Variants in TMTC1 observed in about 807,000 individuals in gnomAD.
TMTC1 encodes the protein transmembrane O-mannosyltransferase targeting cadherins 1.
In TMTC1, 73 loss-of-function variants were observed where a neutral mutation model predicts 104.8. That is an observed-to-expected ratio of 0.70 (90% CI 0.58 to 0.85). The LOEUF (loss-of-function observed/expected upper bound fraction) is 0.85. Ranked by LOEUF, TMTC1 falls within the 40% of genes least tolerant of loss-of-function variation. TMTC1 has a pLI of 0.00. For missense variants in TMTC1, 1,035 were observed against 1,096.1 expected, an observed-to-expected ratio of 0.94 and a Z score of 0.79; for synonymous variants, 434 against 428.7, an observed-to-expected ratio of 1.01 and a Z score of -0.15.
Position 29,506,846 on chromosome 12 carries a change from C to T in TMTC1, c.2649G>A (p.Ter883=). ...LQEVREKDQT[*] ...TATGAGGTTGGGTCAGACGGTGGTGCTATGTTTGATCCTTTTCTCGAACTT... is the reference window on the plus strand; with the variant it reads ...TATGAGGTTGGGTCAGACGGTGGTGTTATGTTTGATCCTTTTCTCGAACTT... The change falls in exon 18 of 18, where the codon TAG becomes TAA. Residue 883 remains the stop codon, a stop_retained_variant. Transcript: ENST00000539277. 9 of 1,613,992 alleles carry T rather than the reference C, an allele frequency of 5.6e-6. No individual in the cohort carries two copies. The highest frequency in any genetic ancestry group is 7.6e-6 in the Non-Finnish European group (9 of 1,179,912).
chr12:29,648,179 C>T (rs1426157567), intron 5 of TMTC1, among the ~76,000 whole-genome samples: 2 of 152,142 alleles, frequency 1.3e-5, no homozygotes, highest in South Asian at 2.1e-4. Flanking sequence ...TTTTCAAATG[C>T]AAGTCCATAA....
chr12:29,546,700 T>C (rs542910029), intron 10 of TMTC1, among the ~76,000 whole-genome samples: 10 of 152,170 alleles, frequency 6.6e-5, no homozygotes, highest in South Asian at 2.1e-4. Context: ...GACAAATGTA[T>C]GCAGAAAGAA....
At chr12:29,621,864 C>T (rs976281991) in intron 6 of TMTC1, among the ~76,000 whole-genome samples, 3 of 152,094 alleles carry the variant, frequency 2.0e-5, no homozygotes, top group Middle Eastern at 3.2e-3. Flanking sequence ...TGCATTAGCC[C>T]TACCCCACCC....
intron 4 of TMTC1, 94 bp downstream of exon 4, chr12:29,755,615 T>C: frequency 9.5e-7 from 1 of 1,051,968 alleles, no homozygotes; most frequent in Non-Finnish European, 1.4e-6. Flanking sequence ...TTTAATAAAG[T>C]GTTATATTTT....
At chr12:29,558,691 G>A (rs1945306080) in intron 9 of TMTC1, among the ~76,000 whole-genome samples, 1 of 152,190 alleles carries the variant, frequency 6.6e-6, no homozygotes, top group Non-Finnish European at 1.5e-5. Context: ...CACTGAGCCA[G>A]CACACGCGCT....
At chr12:29,698,764 CA>C (rs1361103526) in intron 5 of TMTC1, among the ~76,000 whole-genome samples, 1 of 152,144 alleles carries the variant, frequency 6.6e-6, no homozygotes, top group Non-Finnish European at 1.5e-5. Context: ...AGAGTATGAA[CA>C]GATGCTCACT....
At chr12:29,655,733 C>G (rs1029284717) in intron 5 of TMTC1, among the ~76,000 whole-genome samples, 2 of 151,990 alleles carry the variant, frequency 1.3e-5, no homozygotes, top group Non-Finnish European at 2.9e-5. Context: ...ATAATGTAAA[C>G]GAGTGAATCT....
At chr12:29,639,894 T>C (rs541511276) in intron 5 of TMTC1, among the ~76,000 whole-genome samples, 24 of 152,218 alleles carry the variant, frequency 1.6e-4, no homozygotes, top group Admixed American at 3.3e-4. Context: ...AAACCATCTA[T>C]AGACAACGAT....
At chr12:29,581,568 T>G (rs1226758740) in intron 8 of TMTC1, among the ~76,000 whole-genome samples, 2 of 152,202 alleles carry the variant, frequency 1.3e-5, no homozygotes, top group Non-Finnish European at 2.9e-5. Flanking sequence ...TTTTTTCTTT[T>G]TTTTTTACAT....
intron 5 of TMTC1, among the ~76,000 whole-genome samples, chr12:29,724,777 G>A (rs2136894814): frequency 6.6e-6 from 1 of 151,852 alleles, no homozygotes; most frequent in South Asian, 2.1e-4. Context: ...TTACCTCTGA[G>A]GATACTGGGA....
intron 5 of TMTC1, among the ~76,000 whole-genome samples, chr12:29,669,552 G>A (rs576773486): frequency 2.0e-5 from 3 of 152,296 alleles, no homozygotes; most frequent in East Asian, 1.9e-4. Flanking sequence ...GGAAATTTCC[G>A]AGATACCAGA....
intron 5 of TMTC1, among the ~76,000 whole-genome samples, chr12:29,749,223 T>A (rs1490634567): frequency 7.3e-6 from 1 of 136,284 alleles, no homozygotes; most frequent in African/African-American, 2.7e-5. Context: ...CTACAGGTTA[T>A]CTAAGGATAC....
In TMTC1 at chr12:29,506,383, A is replaced by T. The variant is rs2136122092; in HGVS notation, c.*463T>A. The T allele has an allele frequency of 6.5e-6, 1 of 154,474 alleles. No individual in the cohort carries two copies. The highest frequency in any genetic ancestry group is 2.4e-5 in the African/African-American group (1 of 41,600). 9.6% of individuals were successfully genotyped at this position (154,474 alleles called of 1,614,324 possible). A position where few individuals can be genotyped will look rare whatever the true frequency, so the allele number is the denominator to read the frequency against. ...CTGGTTCTGGAAAATTAAATAAGCC[A>T]ATTCTTGGTAGGATTTTCCAAATGG... On this transcript the variant is annotated 3_prime_UTR_variant, in exon 18 of 18. Transcript: ENST00000539277.
chr12:29,629,335 A>C (rs1366071524), intron 6 of TMTC1, among the ~76,000 whole-genome samples: 1 of 151,940 alleles, frequency 6.6e-6, no homozygotes, highest in Non-Finnish European at 1.5e-5. Flanking sequence ...AAGAAAAAAA[A>C]AAAGCTACCT....
intron 17 of TMTC1, among the ~76,000 whole-genome samples, chr12:29,510,936 T>C (rs890366632): frequency 9.2e-5 from 14 of 152,162 alleles, no homozygotes; most frequent in African/African-American, 3.4e-4. Flanking sequence ...TCCTTTTCTT[T>C]GCTCTCTCCT....
At chr12:29,543,560 C>T (rs558464283) in intron 10 of TMTC1, among the ~76,000 whole-genome samples, 80 of 152,262 alleles carry the variant, frequency 5.3e-4, no homozygotes, top group African/African-American at 1.9e-3. Flanking sequence ...ATTCCTTTGT[C>T]GGGGTGTCTG....
chr12:29,544,307 T>C (rs112327142), intron 10 of TMTC1, among the ~76,000 whole-genome samples: 7,902 of 150,832 alleles, frequency 0.052, 706 homozygotes, highest in African/African-American at 0.18. Context: ...AAAGTGGCAC[T>C]GGCCTAACAG....
At chr12:29,583,830 G>T (rs1202049073) in intron 7 of TMTC1, among the ~76,000 whole-genome samples, 1 of 152,088 alleles carries the variant, frequency 6.6e-6, no homozygotes, top group African/African-American at 2.4e-5. Flanking sequence ...TAGGCTTAAA[G>T]TGCCCTGGAT....
intron 5 of TMTC1, among the ~76,000 whole-genome samples, chr12:29,683,114 G>T (rs1371539768): frequency 2.6e-5 from 4 of 152,058 alleles, no homozygotes; most frequent in Non-Finnish European, 5.9e-5. Flanking sequence ...CATTACTAAA[G>T]AACAGTAAAC....
Sources: gnomAD v4.1 joint callset for allele counts (sites outside exome capture counted in the v4.1 genomes callset) on GRCh38, gnomAD v4.1.1 for gene constraint, MANE v1.5 for transcripts, NCBI Gene and HGNC (gene_info 2026-07-23, HGNC 2026-07-21) for gene names.